The following ATP10B variants were observed in gnomAD, a reference collection of about 807,000 sequenced individuals.
The protein encoded by ATP10B is ATPase phospholipid transporting 10B (putative).
In ATP10B, 122 loss-of-function variants were observed where a neutral mutation model predicts 141.2. The ratio of observed to expected loss-of-function variants is 0.86; its 90% CI spans 0.75 to 1.00. The LOEUF (loss-of-function observed/expected upper bound fraction) is 1.00, where lower values mean the gene tolerates loss of function less well. Ranked by LOEUF, ATP10B falls within the 50% of genes least tolerant of loss-of-function variation. The probability of loss-of-function intolerance (pLI) is 0.00; values close to 1 mark genes in which losing one functional copy is unlikely to be tolerated. For missense variants in ATP10B, 1,876 were observed against 1,825.3 expected, an observed-to-expected ratio of 1.03 and a Z score of -0.51; for synonymous variants, 685 against 692.0, an observed-to-expected ratio of 0.99 and a Z score of 0.16.
chr5:160,598,799 CA>C lies in ATP10B; in HGVS notation c.3534del (p.Glu1179SerfsTer44). The C allele has an allele frequency of 6.2e-7, 1 of 1,614,118 alleles. No individual in the cohort carries two copies. Among genetic ancestry groups the C allele is most frequent in the Non-Finnish European group, 8.5e-7 (1 of 1,180,000 alleles). On this transcript the variant is annotated frameshift_variant, in exon 22 of 26. Transcript: ENST00000327245. LOFTEE classifies it high-confidence loss of function. ...GAGTTCTGGCCACTCTTGTATAGCT[CA>C]GGCAATGCCAGGAGTGTTTCTGCAG... ...DISAETLLALPELYKSGQNSE... is the reference protein window; with the variant it reads ...DISAETLLALXELYKSGQNSE...
intron 2 of ATP10B, among the ~76,000 whole-genome samples, chr5:160,738,421 A>G (rs974216905): frequency 1.3e-5 from 2 of 152,002 alleles, no homozygotes; most frequent in African/African-American, 4.8e-5. Flanking sequence ...GACAATAAAT[A>G]TAAGTTTAAA....
chr5:160,844,003 G>T (rs1775967889), intron 1 of ATP10B, among the ~76,000 whole-genome samples: 1 of 151,890 alleles, frequency 6.6e-6, no homozygotes, highest in African/African-American at 2.4e-5. Flanking sequence ...GCTTTACAAA[G>T]TACAAAAATC....
chr5:160,790,697 A>C (rs1771505280), intron 1 of ATP10B, among the ~76,000 whole-genome samples: 1 of 152,204 alleles, frequency 6.6e-6, no homozygotes, highest in Admixed American at 6.6e-5. Flanking sequence ...GAGGTTGCCA[A>C]GGGAACCTTG....
At chr5:160,863,351 G>A in the ATP10B span, among the ~76,000 whole-genome samples, 1 of 151,876 alleles carries the variant, frequency 6.6e-6, no homozygotes, top group South Asian at 2.1e-4. Flanking sequence ...ACCAAAGAAT[G>A]GAAGATGGAA....
At chr5:160,586,927 T>A (rs1008332827) in intron 24 of ATP10B, among the ~76,000 whole-genome samples, 2 of 152,252 alleles carry the variant, frequency 1.3e-5, no homozygotes, top group Admixed American at 6.5e-5. Context: ...CTTTTCACTC[T>A]GATGATACTT....
At chr5:160,813,013 A>T (rs1385936222) in intron 1 of ATP10B, among the ~76,000 whole-genome samples, 1 of 152,266 alleles carries the variant, frequency 6.6e-6, no homozygotes, top group Non-Finnish European at 1.5e-5. Flanking sequence ...AAATAGCAAG[A>T]TGGCCAAATA....
chr5:160,843,560 C>T (rs2127988607), intron 1 of ATP10B, among the ~76,000 whole-genome samples: 1 of 151,146 alleles, frequency 6.6e-6, no homozygotes, highest in South Asian at 2.1e-4. Flanking sequence ...CTTAAGCTTA[C>T]CATGCAACTT....
intron 7 of ATP10B, among the ~76,000 whole-genome samples, chr5:160,655,770 T>C (rs903792213): frequency 6.6e-6 from 1 of 152,210 alleles, no homozygotes; most frequent in Non-Finnish European, 1.5e-5. Flanking sequence ...CATGCGTGCA[T>C]TCAAGCTTTT....
the ATP10B span, among the ~76,000 whole-genome samples, chr5:160,915,092 C>T: frequency 6.6e-6 from 1 of 152,168 alleles, no homozygotes; most frequent in Non-Finnish European, 1.5e-5. Flanking sequence ...GGTTCTCATG[C>T]TAGCCTCACA....
At chr5:160,874,125 A>C in the ATP10B span, among the ~76,000 whole-genome samples, 19 of 152,116 alleles carry the variant, frequency 1.2e-4, no homozygotes, top group Admixed American at 1.2e-3. Flanking sequence ...CTGCAGACTT[A>C]AATGTCCCTG....
chr5:160,914,135 A>G, the ATP10B span, among the ~76,000 whole-genome samples: 3 of 152,212 alleles, frequency 2.0e-5, no homozygotes, highest in Non-Finnish European at 4.4e-5. Context: ...GTGTGTTTAT[A>G]TATGTATATT....
At chr5:160,611,016 T>C (rs1757691683) in intron 18 of ATP10B, among the ~76,000 whole-genome samples, 1 of 152,218 alleles carries the variant, frequency 6.6e-6, no homozygotes, top group Non-Finnish European at 1.5e-5. Flanking sequence ...GTAACTACAT[T>C]AAACTAGGGT....
the ATP10B span, among the ~76,000 whole-genome samples, chr5:160,884,989 C>T: frequency 2.0e-5 from 3 of 152,258 alleles, no homozygotes; most frequent in African/African-American, 7.2e-5. Flanking sequence ...GCAATAGAGC[C>T]AGGGCCAAAT....
intron 3 of ATP10B, among the ~76,000 whole-genome samples, chr5:160,709,675 T>A (rs1175949064): frequency 7.1e-6 from 1 of 140,822 alleles, no homozygotes; most frequent in African/African-American, 2.6e-5. Flanking sequence ...TAGTTACATA[T>A]GTATACATGT....
Position 160,607,066 on chromosome 5 carries a change from G to A in ATP10B, c.2859C>T (p.Leu953=), listed in dbSNP as rs751390939. 6.2e-7 allele frequency: 1 copy of A among 1,613,238 alleles called. No individual in the cohort carries two copies. The highest frequency in any genetic ancestry group is 8.5e-7 in the Non-Finnish European group (1 of 1,179,264). ...GCTTTAGCTCTTCCAATGCACAATT[G>A]AGGATGGATTCACAGGTCTCCTATA... ...TENQETCESI[L]NCALEELKQF... The change falls in exon 19 of 26, where the codon CTC becomes CTT. Residue 953 remains leucine (L), a synonymous_variant. Transcript: ENST00000327245.
intron 2 of ATP10B, among the ~76,000 whole-genome samples, chr5:160,725,265 C>T (rs1315114637): frequency 6.6e-6 from 1 of 152,118 alleles, no homozygotes; most frequent in Non-Finnish European, 1.5e-5. Context: ...ATACGGAAAG[C>T]AAAATCTTTG....
At chr5:160,766,337 AACACACACACACACACACACAC>A (rs58890049) in intron 2 of ATP10B, among the ~76,000 whole-genome samples, 7 of 140,400 alleles carry the variant, frequency 5.0e-5, no homozygotes, top group African/African-American at 1.6e-4. Context: ...GGATAAAGAG[AACACACACACACACACACACAC>A]ACACACACAC....
intron 24 of ATP10B, among the ~76,000 whole-genome samples, chr5:160,585,126 A>T (rs1472573229): frequency 9.9e-5 from 15 of 152,154 alleles, no homozygotes; most frequent in Non-Finnish European, 7.3e-5. Context: ...CTATTTAGAG[A>T]GGCTGAAGCC....
Position 160,598,789 on chromosome 5 carries a change from T to C in ATP10B, c.3545A>G (p.Lys1182Arg). 2 of 1,614,122 alleles carry C rather than the reference T, an allele frequency of 1.2e-6. No homozygotes were observed. The highest frequency in any genetic ancestry group is 1.7e-6 in the Non-Finnish European group (2 of 1,179,984). ...ETLLALPELY[K>R]SGQNSECYNL... is the part of the protein sequence containing the mutation. ...CCTTACCTCAGAGTTCTGGCCACTC[T>C]TGTATAGCTCAGGCAATGCCAGGAG... Residue 1182 changes from lysine to arginine, a missense_variant, in exon 22 of 26, where the codon AAG (lysine) becomes AGG (arginine). Transcript: ENST00000327245.
Sources: allele counts gnomAD v4.1 joint callset (sites outside exome capture counted in the v4.1 genomes callset), GRCh38; gene constraint gnomAD v4.1.1; transcripts MANE v1.5; gene names NCBI Gene and HGNC (gene_info 2026-07-23, HGNC 2026-07-21).